Variants in RBKS observed in about 807,000 individuals in gnomAD.
RBKS encodes ribokinase.
In RBKS, 33 loss-of-function variants were observed where a neutral mutation model predicts 33.9. The observed-to-expected ratio is 0.97, with a 90% CI of 0.74 to 1.30. RBKS has a LOEUF of 1.30. Among genes scored for constraint, RBKS ranks in the 50% most tolerant of loss-of-function variants. The pLI, the probability that RBKS is intolerant of heterozygous loss-of-function variation, is 0.00. For missense variants in RBKS, 361 were observed against 392.6 expected (o/e 0.92, Z 0.68); for synonymous variants, 125 against 143.0 (o/e 0.87, Z 0.90).
intron 7 of RBKS, among the ~76,000 whole-genome samples, chr2:27,806,355 T>C (rs1462787380): frequency 6.6e-6 from 1 of 152,188 alleles, no homozygotes; most frequent in Non-Finnish European, 1.5e-5. Flanking sequence ...ATGATAAATA[T>C]AAGCCTTTGC....
intron 7 of RBKS, among the ~76,000 whole-genome samples, chr2:27,818,224 C>T (rs1317498941): frequency 1.3e-5 from 2 of 152,094 alleles, no homozygotes; most frequent in African/African-American, 4.8e-5. Flanking sequence ...TTACATGTGC[C>T]AGGCACTGTT....
chr2:27,787,424 T>A lies in RBKS; in HGVS notation c.796-5636A>T, dbSNP rs565603736. On this transcript the variant is annotated intron_variant, in intron 7 of 7. Coordinates refer to ENST00000302188, the MANE Select transcript of RBKS (RefSeq NM_022128.3). ...CTCCAGCCTGGGCGAAAGAGTGAGA[T>A]CCTGTCCAAACAAACAAATAAAACA... Among the ~76,000 whole-genome samples the A allele has an allele frequency of 9.2e-5, 14 of 152,180 alleles. No individual in the cohort carries two copies. The East Asian group carries it at 2.3e-3, about 25-fold the overall frequency.
At chr2:27,825,792 T>C (rs1369478538) in intron 7 of RBKS, among the ~76,000 whole-genome samples, 1 of 152,228 alleles carries the variant, frequency 6.6e-6, no homozygotes, top group Non-Finnish European at 1.5e-5. Context: ...ATAAATCCTT[T>C]TTCCTGCATA....
At chr2:27,802,002 T>A (rs1433091491) in intron 7 of RBKS, among the ~76,000 whole-genome samples, 5 of 109,346 alleles carry the variant, frequency 4.6e-5, no homozygotes, top group South Asian at 3.1e-4. Context: ...ATTTTTTTTT[T>A]TTTTTTTTTT....
intron 7 of RBKS, among the ~76,000 whole-genome samples, chr2:27,814,750 G>T (rs1573044529): frequency 6.6e-6 from 1 of 152,146 alleles, no homozygotes; most frequent in African/African-American, 2.4e-5. Flanking sequence ...ATCTCTTAGG[G>T]GAGATGTACT....
chr2:27,810,884 C>CT lies in RBKS; in HGVS notation c.795+16682dup, dbSNP rs1677976213. Among the ~76,000 whole-genome samples the CT allele has an allele frequency of 6.6e-6, 1 of 152,166 alleles. No homozygotes were observed. Among genetic ancestry groups the CT allele is most frequent in the South Asian group, 2.1e-4 (1 of 4,824 alleles). On this transcript the variant is annotated intron_variant, in intron 7 of 7. Coordinates refer to ENST00000302188, the MANE Select transcript of RBKS (RefSeq NM_022128.3). This position sits in a 1 kb window ranked among gnomAD's most constrained non-coding sequence, Gnocchi z 4.4. ...TTCTTCACACAGCAGCCATATTAATCTTTTTATAAAGTATAAATCTGATCA... is the reference window on the plus strand; with the variant it reads ...TTCTTCACACAGCAGCCATATTAATCTTTTTTATAAAGTATAAATCTGATCA...
chr2:27,849,111 C>T (rs1396814012), intron 2 of RBKS, among the ~76,000 whole-genome samples: 4 of 152,168 alleles, frequency 2.6e-5, no homozygotes, highest in African/African-American at 9.7e-5. Context: ...ACACAGACTC[C>T]TAATAGCCTA....
chr2:27,805,792 C>G (rs964289907), intron 7 of RBKS, among the ~76,000 whole-genome samples: 13 of 152,124 alleles, frequency 8.5e-5, no homozygotes, highest in African/African-American at 2.9e-4. Context: ...TCAGGCTAGT[C>G]TCAAACTCCT....
intron 7 of RBKS, among the ~76,000 whole-genome samples, chr2:27,789,949 G>GTATATATATATATATATATATATA (rs35109548): frequency 8.2e-6 from 1 of 121,512 alleles, no homozygotes; most frequent in African/African-American, 3.3e-5. Flanking sequence ...ATGTATATGT[G>GTATATATATATATATATATATATA]TATATATATA....
chr2:27,888,334 G>A (rs28516610), intron 1 of RBKS, among the ~76,000 whole-genome samples: 1 of 152,004 alleles, frequency 6.6e-6, no homozygotes, highest in Admixed American at 6.6e-5. Flanking sequence ...CACCATGTTC[G>A]CTGGGCTGGT....
intron 7 of RBKS, among the ~76,000 whole-genome samples, chr2:27,802,141 A>G (rs1387593346): frequency 1.1e-4 from 17 of 150,422 alleles, no homozygotes; most frequent in Admixed American, 1.1e-3. Flanking sequence ...CCCCACCACC[A>G]TACTTTTAAA....
At chr2:27,790,361 A>G (rs1350906071) in intron 7 of RBKS, among the ~76,000 whole-genome samples, 2 of 152,234 alleles carry the variant, frequency 1.3e-5, no homozygotes, top group Non-Finnish European at 2.9e-5. Flanking sequence ...AACTTCTAGA[A>G]GAAGACAGGA....
intron 1 of RBKS, among the ~76,000 whole-genome samples, chr2:27,886,118 A>G (rs1386511119): frequency 1.3e-5 from 2 of 152,228 alleles, no homozygotes; most frequent in African/African-American, 2.4e-5. Context: ...AATATAAGTG[A>G]GTATTAAATA....
chr2:27,868,969 T>A (rs993551307), intron 1 of RBKS, among the ~76,000 whole-genome samples: 1 of 152,212 alleles, frequency 6.6e-6, no homozygotes, highest in Non-Finnish European at 1.5e-5. Context: ...TAACTATCAA[T>A]TCACTTAATC....
At chr2:27,821,239 T>C (rs1361280117) in intron 7 of RBKS, among the ~76,000 whole-genome samples, 1 of 152,158 alleles carries the variant, frequency 6.6e-6, no homozygotes, top group African/African-American at 2.4e-5. Flanking sequence ...TTTTAATGTG[T>C]ATAATCCTGA....
chr2:27,888,687 C>T (rs1025451813), intron 1 of RBKS, among the ~76,000 whole-genome samples: 1 of 152,074 alleles, frequency 6.6e-6, no homozygotes, highest in African/African-American at 2.4e-5. Flanking sequence ...GTTGTAAACA[C>T]AGTAATGTTC....
intron 4 of RBKS, 65 bp from the exon 5 acceptor site, chr2:27,843,296 G>T (rs976335398): frequency 1.0e-4 from 129 of 1,234,502 alleles, no homozygotes; most frequent in Non-Finnish European, 1.4e-4. Flanking sequence ...ATTCTGCAGT[G>T]TTATGAATAC....
At chr2:27,882,904 C>T (rs1267880889) in intron 1 of RBKS, among the ~76,000 whole-genome samples, 1 of 151,886 alleles carries the variant, frequency 6.6e-6, no homozygotes. Flanking sequence ...CAGAAGTGAA[C>T]AACACACACT....
chr2:27,840,192 T>C, intron 5 of RBKS, among the ~76,000 whole-genome samples: 1 of 151,648 alleles, frequency 6.6e-6, no homozygotes. Flanking sequence ...GCTAATTTTT[T>C]TGTATTTTGA....
Sources: allele counts gnomAD v4.1 joint callset (sites outside exome capture counted in the v4.1 genomes callset), GRCh38; gene constraint gnomAD v4.1.1; non-coding constraint Gnocchi (gnomAD v3.1); transcripts MANE v1.5; gene names NCBI Gene and HGNC (gene_info 2026-07-23, HGNC 2026-07-21).